Variants in OR2C1 observed in about 807,000 individuals in gnomAD.
OR2C1 encodes olfactory receptor family 2 subfamily C member 1.
For synonymous variants in OR2C1, 209 were observed against 167.3 expected (o/e 1.25, Z -1.92); for missense variants, 468 against 388.3 (o/e 1.21, Z -1.73).
the OR2C1 span, among the ~76,000 whole-genome samples, chr16:3,350,306 C>T: frequency 5.3e-5 from 8 of 151,820 alleles, no homozygotes; most frequent in African/African-American, 1.9e-4. Flanking sequence ...CCACCTGCCT[C>T]GGACTCCCAA....
the OR2C1 span, among the ~76,000 whole-genome samples, chr16:3,350,040 A>G: frequency 6.7e-6 from 1 of 148,164 alleles, no homozygotes; most frequent in Non-Finnish European, 1.5e-5. Context: ...AAATACTCAA[A>G]CTGTAAAAGG....
chr16:3,349,590 T>A, the OR2C1 span, among the ~76,000 whole-genome samples: 28 of 151,910 alleles, frequency 1.8e-4, no homozygotes, highest in African/African-American at 6.0e-4. Context: ...AAGCCAAAGG[T>A]ACATTTCCAT....
chr16:3,342,601 C>T, the OR2C1 span, among the ~76,000 whole-genome samples: 1 of 152,074 alleles, frequency 6.6e-6, no homozygotes, highest in Non-Finnish European at 1.5e-5. Flanking sequence ...AAAACGAGGC[C>T]GGGCGCAGTG....
chr16:3,347,246 CAAAAAA>C, the OR2C1 span, among the ~76,000 whole-genome samples: 15 of 64,484 alleles, frequency 2.3e-4, no homozygotes, highest in Admixed American at 2.2e-4. Context: ...GACTCTGTCT[CAAAAAA>C]AAAAAAAAAA....
At chr16:3,330,668 T>C in the OR2C1 span, among the ~76,000 whole-genome samples, 1 of 152,226 alleles carries the variant, frequency 6.6e-6, no homozygotes, top group Non-Finnish European at 1.5e-5. Context: ...CAAATGAGAG[T>C]AATTAGTATA....
chr16:3,356,544 G>C lies in OR2C1; in HGVS notation c.604G>C (p.Val202Leu), dbSNP rs2030680666. 2 of 1,614,078 alleles carry C rather than the reference G, an allele frequency of 1.2e-6. No homozygotes were observed. Among genetic ancestry groups the C allele is most frequent in the South Asian group, 2.2e-5 (2 of 91,092 alleles). ...TCTCAACCAGGCTGTGCTCAATGGTGTCTGCACCTTCTTCACTGCAGTCCC... is the reference window on the plus strand; with the variant it reads ...TCTCAACCAGGCTGTGCTCAATGGTCTCTGCACCTTCTTCACTGCAGTCCC... Reference protein sequence around the residue: ...TSLNQAVLNGVCTFFTAVPLS... With the variant: ...TSLNQAVLNGLCTFFTAVPLS... Residue 202 changes from valine to leucine, a missense_variant, in exon 1 of 1, where the codon GTC (valine) becomes CTC (leucine). Physicochemically the swap from Val to Leu is conservative, Grantham distance 32. Transcript: ENST00000304936.
the OR2C1 span, among the ~76,000 whole-genome samples, chr16:3,337,761 TG>T: frequency 6.6e-6 from 1 of 152,182 alleles, no homozygotes; most frequent in Admixed American, 6.5e-5. Context: ...TCCCATCCTT[TG>T]TTCATTCGTG....
At chr16:3,325,156 A>G in the OR2C1 span, among the ~76,000 whole-genome samples, 27 of 151,788 alleles carry the variant, frequency 1.8e-4, 1 homozygote, top group African/African-American at 6.3e-4. Context: ...TAATTTTTTT[A>G]TTTTTAGTAG....
At chr16:3,347,212 A>T in the OR2C1 span, among the ~76,000 whole-genome samples, 11 of 128,962 alleles carry the variant, frequency 8.5e-5, no homozygotes, top group Non-Finnish European at 1.6e-4. Flanking sequence ...GTGCCACTGC[A>T]CTCCAACCTG....
chr16:3,355,980 C>T lies in OR2C1; in HGVS notation c.40C>T (p.Leu14=). 1 of 1,613,530 alleles carries T rather than the reference C, an allele frequency of 6.2e-7. No individual in the cohort carries two copies. The highest frequency in any genetic ancestry group is 8.5e-7 in the Non-Finnish European group (1 of 1,179,602). ...VNDSSLQGFV[L]MGISDHPQLE... Reference sequence around the variant, plus strand: ...TGATAGCTCCTTGCAGGGCTTTGTTCTGATGGGCATATCAGACCATCCCCA... The same window carrying T: ...TGATAGCTCCTTGCAGGGCTTTGTTTTGATGGGCATATCAGACCATCCCCA... Residue 14 remains leucine (L), a synonymous_variant, in exon 1 of 1, where the codon CTG becomes TTG. Transcript: ENST00000304936.
the OR2C1 span, among the ~76,000 whole-genome samples, chr16:3,348,980 T>C: frequency 6.6e-6 from 1 of 151,840 alleles, no homozygotes; most frequent in Non-Finnish European, 1.5e-5. Flanking sequence ...GAGTCAAAAA[T>C]AGCAACTTCC....
At chr16:3,353,501 A>G (rs536348440), upstream of OR2C1, among the ~76,000 whole-genome samples, 3,518 of 150,410 alleles carry the variant, frequency 0.023, 160 homozygotes, top group African/African-American at 0.079. Flanking sequence ...AAAAAAAAAA[A>G]AAAAAAAAGA....
the OR2C1 span, among the ~76,000 whole-genome samples, chr16:3,339,672 G>A: frequency 6.6e-6 from 1 of 152,116 alleles, no homozygotes; most frequent in African/African-American, 2.4e-5. Flanking sequence ...TAGCCAGGAT[G>A]GTCTCGATCT....
the OR2C1 span, among the ~76,000 whole-genome samples, chr16:3,327,393 T>C: frequency 1.3e-5 from 2 of 152,004 alleles, no homozygotes; most frequent in Non-Finnish European, 1.5e-5. Flanking sequence ...GAACAGTTCC[T>C]ACTCAGTGGA....
the OR2C1 span, among the ~76,000 whole-genome samples, chr16:3,348,932 A>G: frequency 1.3e-5 from 2 of 152,078 alleles, no homozygotes; most frequent in African/African-American, 4.8e-5. Context: ...TTGCCCCTCA[A>G]AAGAACAAAC....
the OR2C1 span, among the ~76,000 whole-genome samples, chr16:3,336,636 C>T: frequency 2.7e-5 from 4 of 149,958 alleles, no homozygotes; most frequent in African/African-American, 9.8e-5. Flanking sequence ...GCTGGGATTA[C>T]AGGTGCGAGC....
the OR2C1 span, among the ~76,000 whole-genome samples, chr16:3,345,809 C>G: frequency 7.2e-6 from 1 of 138,730 alleles, no homozygotes; most frequent in African/African-American, 2.7e-5. Flanking sequence ...TCTCTTTTCT[C>G]TCCTTCCTTC....
chr16:3,334,450 TA>T, the OR2C1 span, among the ~76,000 whole-genome samples: 1 of 151,026 alleles, frequency 6.6e-6, no homozygotes, highest in African/African-American at 2.4e-5. Flanking sequence ...TAATTTTTTT[TA>T]AGTTTTTGTA....
chr16:3,352,908 AT>A (rs113431996), upstream of OR2C1, among the ~76,000 whole-genome samples: 90 of 150,434 alleles, frequency 6.0e-4, no homozygotes, highest in African/African-American at 2.2e-3. Flanking sequence ...CGCCCGGATA[AT>A]TTTTTTTTAT....
Sources: gnomAD v4.1 joint callset for allele counts (sites outside exome capture counted in the v4.1 genomes callset) on GRCh38, gnomAD v4.1.1 for gene constraint, MANE v1.5 for transcripts, NCBI Gene and HGNC (gene_info 2026-07-23, HGNC 2026-07-21) for gene names.